The following UNC79 variants were observed in gnomAD, a reference collection of about 807,000 sequenced individuals.
UNC79 encodes protein unc-79 homolog.
UNC79 carries 37 observed loss-of-function variants against 283.1 expected under a neutral mutation model. The ratio of observed to expected loss-of-function variants is 0.13; its 90% CI spans 0.10 to 0.17. The LOEUF is 0.17. Ranked by LOEUF, UNC79 falls within the 10% of genes least tolerant of loss-of-function variation. UNC79 has a pLI of 1.00. For synonymous variants in UNC79, 1,107 were observed against 1,200.2 expected, an observed-to-expected ratio of 0.92 and a Z score of 1.61; for missense variants, 2,272 against 3,211.1, an observed-to-expected ratio of 0.71 and a Z score of 7.07.
At chr14:93,383,222 C>T (rs1403848576) in intron 1 of UNC79, among the ~76,000 whole-genome samples, 1 of 152,130 alleles carries the variant, frequency 6.6e-6, no homozygotes, top group East Asian at 1.9e-4. Flanking sequence ...TTAGCATTCA[C>T]CATGGCCTAC....
chr14:93,371,229 A>G (rs1385849766), intron 1 of UNC79, among the ~76,000 whole-genome samples: 1 of 151,854 alleles, frequency 6.6e-6, no homozygotes, highest in African/African-American at 2.4e-5. Context: ...CTCTACTAAA[A>G]ATACCAAAAT....
At chr14:93,673,926 G>A (rs1414633957) in intron 41 of UNC79, among the ~76,000 whole-genome samples, 1 of 152,182 alleles carries the variant, frequency 6.6e-6, no homozygotes, top group Non-Finnish European at 1.5e-5. Context: ...GATGCACTGA[G>A]TGGTACCCAC....
chr14:93,406,453 TAA>T (rs1448961589), intron 1 of UNC79, among the ~76,000 whole-genome samples: 1 of 151,960 alleles, frequency 6.6e-6, no homozygotes, highest in Non-Finnish European at 1.5e-5. Flanking sequence ...TCAGGCATGG[TAA>T]CATGTGCCTG....
chr14:93,415,907 A>G (rs1235722405), intron 1 of UNC79, among the ~76,000 whole-genome samples: 1 of 150,558 alleles, frequency 6.6e-6, no homozygotes, highest in Non-Finnish European at 1.5e-5. Context: ...TGATTCTTCT[A>G]TCTTTTCTTC....
At chr14:93,461,650 A>T (rs1463799738) in intron 1 of UNC79, among the ~76,000 whole-genome samples, 1 of 152,242 alleles carries the variant, frequency 6.6e-6, no homozygotes, top group Non-Finnish European at 1.5e-5. Context: ...TCAGTACTTA[A>T]TAGGCACCGA....
At chr14:93,575,036 GA>G in intron 16 of UNC79, 21 bp from the exon 17 acceptor site, 1 of 1,580,432 alleles carries the variant, frequency 6.3e-7, no homozygotes, top group Non-Finnish European at 8.6e-7. Context: ...TTTTTTGGGG[GA>G]TATATGCCTT....
At chr14:93,704,520 C>A in intron 47 of UNC79, 105 bp from the exon 51 acceptor site, 1 of 1,326,200 alleles carries the variant, frequency 7.5e-7, no homozygotes, top group Non-Finnish European at 1.1e-6. Flanking sequence ...CATCCGTGCG[C>A]GACGTGAAAG....
chr14:93,501,222 G>C (rs1401350984), intron 7 of UNC79, among the ~76,000 whole-genome samples: 1 of 152,146 alleles, frequency 6.6e-6, no homozygotes, highest in Non-Finnish European at 1.5e-5. Flanking sequence ...CTACTGGGGG[G>C]TTGAGGCAGG....
intron 1 of UNC79, chr14:93,348,108 C>T (rs2053905181): frequency 1.9e-6 from 3 of 1,599,920 alleles, no homozygotes; most frequent in Non-Finnish European, 2.6e-6. Context: ...TGAAGCAGTT[C>T]AGAAGGAATT....
chr14:93,374,264 TCAATC>T (rs1335800714), intron 1 of UNC79, among the ~76,000 whole-genome samples: 6 of 152,236 alleles, frequency 3.9e-5, no homozygotes, highest in Admixed American at 3.9e-4. Flanking sequence ...GCACTGGACT[TCAATC>T]CATACAAGCA....
At position 93,474,614 on chromosome 14, in the gene UNC79, G is replaced by A. The variant is rs1376624737; in HGVS notation, c.448+221G>A. ...ATGTTATCCAAGTGGAGTATTGGGGGAGAATGGGGCTGGAGAAAGGAGGAA... is the reference window on the plus strand; with the variant it reads ...ATGTTATCCAAGTGGAGTATTGGGGAAGAATGGGGCTGGAGAAAGGAGGAA... On this transcript the variant is annotated intron_variant, in intron 3 of 48. Transcript: ENST00000555664. The surrounding 1 kb of genome is among the most constrained non-coding windows in gnomAD (Gnocchi z 4.1). Among the ~76,000 whole-genome samples, 1 of 152,170 alleles carries A rather than the reference G, an allele frequency of 6.6e-6. No homozygotes were observed. Among genetic ancestry groups the A allele is most frequent in the Non-Finnish European group, 1.5e-5 (1 of 68,036 alleles).
intron 1 of UNC79, among the ~76,000 whole-genome samples, chr14:93,361,953 T>C (rs1323621794): frequency 1.3e-5 from 2 of 152,228 alleles, no homozygotes; most frequent in Non-Finnish European, 2.9e-5. Context: ...GGGATGATCT[T>C]GTGGTTTTTT....
intron 40 of UNC79, among the ~76,000 whole-genome samples, chr14:93,669,689 T>A (rs903902209): frequency 6.6e-6 from 1 of 151,994 alleles, no homozygotes; most frequent in Non-Finnish European, 1.5e-5. Flanking sequence ...TATAAAAAAA[T>A]TTTAAAAAAA....
At chr14:93,480,006 G>A (rs2058043934) in intron 4 of UNC79, among the ~76,000 whole-genome samples, 1 of 152,232 alleles carries the variant, frequency 6.6e-6, no homozygotes, top group South Asian at 2.1e-4. Context: ...TGGGAGAGGT[G>A]TTGAAAATAT....
At chr14:93,681,959 G>T (rs1357824350) in intron 41 of UNC79, among the ~76,000 whole-genome samples, 1 of 152,212 alleles carries the variant, frequency 6.6e-6, no homozygotes, top group Non-Finnish European at 1.5e-5. Context: ...CACCAAGCTA[G>T]TGCTGGGGAT....
At chr14:93,489,881 AG>A (rs1187876596) in intron 5 of UNC79, among the ~76,000 whole-genome samples, 1 of 152,156 alleles carries the variant, frequency 6.6e-6, no homozygotes, top group Non-Finnish European at 1.5e-5. Flanking sequence ...CCCACTCTGC[AG>A]GCTGGGGTCC....
At chr14:93,563,577 C>G (rs529253753) in intron 14 of UNC79, among the ~76,000 whole-genome samples, 165 of 152,260 alleles carry the variant, frequency 1.1e-3, no homozygotes, top group African/African-American at 3.8e-3. Context: ...GGGGGCAGAG[C>G]AGTAGCCTCA....
At chr14:93,560,779 A>G (rs1278187962) in intron 14 of UNC79, among the ~76,000 whole-genome samples, 1 of 152,132 alleles carries the variant, frequency 6.6e-6, no homozygotes, top group East Asian at 1.9e-4. Flanking sequence ...CTGGAAATGC[A>G]AAGTAAAAAG....
rs765996866 is a variant in UNC79 at position 93,621,892 on chromosome 14, T to G, written c.4659T>G (p.Ala1553=). 6.2e-7 allele frequency: 1 copy of G among 1,614,124 alleles called. No homozygotes were observed. The highest frequency in any genetic ancestry group is 1.1e-5 in the South Asian group (1 of 91,076). Residue 1553 remains alanine (A), a synonymous_variant, in exon 30 of 49, where the codon GCT becomes GCG. Transcript: ENST00000555664. The surrounding 1 kb of genome is among the most constrained non-coding windows in gnomAD (Gnocchi z 4.8). ...CTGGACGTTCTAGACAGAACTCTGC[T>G]ACGAGGCCTGACAATAGTGAAATCC...
Sources: allele counts gnomAD v4.1 joint callset (sites outside exome capture counted in the v4.1 genomes callset), GRCh38; gene constraint gnomAD v4.1.1; non-coding constraint Gnocchi (gnomAD v3.1); transcripts MANE v1.5; gene names NCBI Gene and HGNC (gene_info 2026-07-23, HGNC 2026-07-21).